Variants in DTNB observed in about 807,000 individuals in gnomAD.
DTNB encodes dystrobrevin beta, also known as DTN-B.
Under a neutral mutation model 90.7 loss-of-function variants are expected in DTNB, and 63 were observed. The ratio of observed to expected loss-of-function variants is 0.69; its 90% confidence interval spans 0.57 to 0.86. DTNB has a LOEUF of 0.86. Ranked by LOEUF, DTNB falls within the 40% of genes least tolerant of loss-of-function variation. The pLI is 0.00. For synonymous variants in DTNB, 277 were observed against 286.7 expected (o/e 0.97, Z 0.34); for missense variants, 744 against 807.1 (o/e 0.92, Z 0.95).
chr2:25,536,212 C>T (rs1345522352), intron 8 of DTNB, among the ~76,000 whole-genome samples: 1 of 148,382 alleles, frequency 6.7e-6, no homozygotes, highest in African/African-American at 2.5e-5. Context: ...CACTCCTCAC[C>T]TCCCAGACGG....
chr2:25,422,650 G>A (rs538501938), intron 15 of DTNB, among the ~76,000 whole-genome samples: 17 of 151,846 alleles, frequency 1.1e-4, no homozygotes, highest in Middle Eastern at 3.4e-3. Flanking sequence ...CACCTGCCTC[G>A]GCCTCCCAAA....
At chr2:25,455,182 G>A (rs183825159) in intron 11 of DTNB, among the ~76,000 whole-genome samples, 1 of 152,296 alleles carries the variant, frequency 6.6e-6, no homozygotes, top group Non-Finnish European at 1.5e-5. Context: ...CTTTAAAGGA[G>A]AATGTCTGAC....
intron 10 of DTNB, among the ~76,000 whole-genome samples, chr2:25,466,702 A>G (rs1008492885): frequency 3.3e-5 from 5 of 152,226 alleles, no homozygotes; most frequent in African/African-American, 4.8e-5. Context: ...TCTGTTCTTG[A>G]ATTGACAGGC....
chr2:25,392,882 G>A (rs1015125315), intron 16 of DTNB, among the ~76,000 whole-genome samples: 7 of 152,102 alleles, frequency 4.6e-5, no homozygotes, highest in East Asian at 1.9e-4. Context: ...GGAATCCTGC[G>A]TAAATCATTC....
chr2:25,581,182 T>C (rs1252176806), intron 6 of DTNB, among the ~76,000 whole-genome samples: 3 of 152,148 alleles, frequency 2.0e-5, no homozygotes, highest in Non-Finnish European at 4.4e-5. Context: ...AAGTCACCAT[T>C]TCCGCTTTCC....
At chr2:25,635,468 T>C (rs990103466) in intron 3 of DTNB, among the ~76,000 whole-genome samples, 2 of 152,084 alleles carry the variant, frequency 1.3e-5, no homozygotes, top group Non-Finnish European at 2.9e-5. Context: ...AAACATCCAA[T>C]GAAGGATGTG....
intron 14 of DTNB, 76 bp downstream of exon 14, chr2:25,432,810 C>G: frequency 7.1e-7 from 1 of 1,414,372 alleles, no homozygotes; most frequent in Non-Finnish European, 9.7e-7. Context: ...GATTCTACCC[C>G]ACTCCTTTGG....
chr2:25,506,494 A>AT (rs1368837585), intron 9 of DTNB, among the ~76,000 whole-genome samples: 1 of 151,752 alleles, frequency 6.6e-6, no homozygotes, highest in East Asian at 1.9e-4. Context: ...TCCATTAGTT[A>AT]TTTTTCCTGA....
intron 10 of DTNB, among the ~76,000 whole-genome samples, chr2:25,479,965 G>A (rs938165685): frequency 2.6e-5 from 4 of 152,082 alleles, no homozygotes; most frequent in Non-Finnish European, 5.9e-5. Flanking sequence ...CCTGGCTTCC[G>A]TTAGACTCTC....
At chr2:25,448,582 C>T (rs373707162) in intron 12 of DTNB, among the ~76,000 whole-genome samples, 2 of 152,034 alleles carry the variant, frequency 1.3e-5, no homozygotes, top group Non-Finnish European at 2.9e-5. Context: ...TTGACGGGCG[C>T]GGTGGCTCAC....
In DTNB at chr2:25,518,622, C is replaced by T. The variant is rs968202599; in HGVS notation, c.1001+12851G>A. Among the ~76,000 whole-genome samples, 24 of 152,230 alleles carry T rather than the reference C, an allele frequency of 1.6e-4. 1 individual carries two copies. Among genetic ancestry groups the T allele is most frequent in the Admixed American group, 1.0e-3 (16 of 15,278 alleles). On this transcript the variant is annotated intron_variant, in intron 9 of 20. Transcript: ENST00000406818. ...ACGTACACACACACATGCACACACA[C>T]ATACATACTGAGGTTCAGGCAAAAA...
At chr2:25,485,844 C>T (rs1416920476) in intron 9 of DTNB, among the ~76,000 whole-genome samples, 6 of 152,106 alleles carry the variant, frequency 3.9e-5, no homozygotes, top group Non-Finnish European at 1.5e-5. Context: ...AGCCTGCTGG[C>T]CAGGCGCAGT....
At chr2:25,549,074 A>G (rs2083047513) in intron 8 of DTNB, among the ~76,000 whole-genome samples, 3 of 152,028 alleles carry the variant, frequency 2.0e-5, no homozygotes, top group African/African-American at 7.2e-5. Context: ...AAATTATAAT[A>G]TATGTAATAA....
In DTNB at chr2:25,433,829, T is replaced by C. The variant is rs1319653910; in HGVS notation, c.1343+81A>G. On this transcript the variant is annotated intron_variant, in intron 13 of 20. Coordinates refer to ENST00000406818, the MANE Select transcript of DTNB (RefSeq NM_021907.5). ...TCTTCCTTGGCGGTCAAAAGCCACC[T>C]AGTATCCAAGGAAAATGAGAATCAG... 4.5e-6 allele frequency: 7 copies of C among 1,538,504 alleles called. No individual in the cohort carries two copies. The Admixed American group carries it at 1.2e-4, about 26-fold the overall frequency.
chr2:25,564,313 T>C (rs2058688347), intron 8 of DTNB, among the ~76,000 whole-genome samples: 1 of 152,192 alleles, frequency 6.6e-6, no homozygotes, highest in Non-Finnish European at 1.5e-5. Context: ...GGGAGTACTG[T>C]CATTTTAAAT....
At chr2:25,487,541 T>A (rs2066450187) in intron 9 of DTNB, among the ~76,000 whole-genome samples, 1 of 152,156 alleles carries the variant, frequency 6.6e-6, no homozygotes, top group Non-Finnish European at 1.5e-5. Flanking sequence ...CCAGGGATAC[T>A]GAGAGACAAC....
chr2:25,604,033 T>C (rs2066488794), intron 5 of DTNB, among the ~76,000 whole-genome samples: 1 of 152,202 alleles, frequency 6.6e-6, no homozygotes. Context: ...TTATTTTAAA[T>C]AGAATGCTAA....
chr2:25,465,969 A>G (rs866474291), intron 10 of DTNB, among the ~76,000 whole-genome samples: 2 of 152,244 alleles, frequency 1.3e-5, no homozygotes, highest in Admixed American at 6.5e-5. Flanking sequence ...TGCCTCGCAC[A>G]TATCAGGTGC....
intron 8 of DTNB, among the ~76,000 whole-genome samples, chr2:25,539,586 T>C (rs2080688663): frequency 6.6e-6 from 1 of 151,906 alleles, no homozygotes; most frequent in South Asian, 2.1e-4. Context: ...CCTTTTTTTT[T>C]TTTTTTTTTA....
Sources: gnomAD v4.1 joint callset for allele counts (sites outside exome capture counted in the v4.1 genomes callset) on GRCh38, gnomAD v4.1.1 for gene constraint, MANE v1.5 for transcripts, NCBI Gene and HGNC (gene_info 2026-07-23, HGNC 2026-07-21) for gene names.